DIS3L: variants seen among roughly 807,000 people sequenced by gnomAD.
The protein encoded by DIS3L is DIS3-like exonuclease 1.
DIS3L carries 100 observed loss-of-function variants against 120.3 expected under a neutral mutation model. That is an observed-to-expected ratio of 0.83 (90% CI 0.71 to 0.98). The LOEUF (loss-of-function observed/expected upper bound fraction) is 0.98, where lower values mean the gene tolerates loss of function less well. Ranked by LOEUF, DIS3L falls within the 50% of genes least tolerant of loss-of-function variation. The pLI is 0.00. For missense variants in DIS3L, 1,196 were observed against 1,314.2 expected, an observed-to-expected ratio of 0.91 and a Z score of 1.39; for synonymous variants, 426 against 470.6, an observed-to-expected ratio of 0.91 and a Z score of 1.23.
In DIS3L at chr15:66,329,390, C is replaced by G; in HGVS notation, c.2526C>G (p.Asn842Lys). The stretch of plus-strand genomic sequence containing the variant: ...AGGAATTATGCAGACATATCAACAA[C>G]AGAAACCAAGTAAGAGGGAATTTCA... ...DLEELCRHINNRNQAAQHSQK... is the reference protein window; with the variant it reads ...DLEELCRHINKRNQAAQHSQK... Residue 842 changes from asparagine to lysine, a missense_variant, in exon 14 of 17, where the codon AAC becomes AAG. Asn to Lys is a moderately conservative substitution (Grantham distance 94, BLOSUM62 0). Transcript: ENST00000319212. The G allele has an allele frequency of 6.3e-7, 1 of 1,599,954 alleles. No homozygotes were observed. Among genetic ancestry groups the G allele is most frequent in the East Asian group, 2.2e-5 (1 of 44,762 alleles).
chr15:66,319,886 A>C (rs1259986054), intron 8 of DIS3L, among the ~76,000 whole-genome samples: 1 of 151,114 alleles, frequency 6.6e-6, no homozygotes, highest in Non-Finnish European at 1.5e-5. Flanking sequence ...AGGCCGAGGC[A>C]GGTGGATCAC....
intron 14 of DIS3L, among the ~76,000 whole-genome samples, chr15:66,330,912 T>TTCGAGG (rs1192041463): frequency 6.6e-6 from 1 of 152,204 alleles, no homozygotes; most frequent in Non-Finnish European, 1.5e-5. Flanking sequence ...CCTAGCACTT[T>TTCGAGG]TCGAGGTCGA....
chr15:66,294,946 G>A (rs1204175077), intron 1 of DIS3L, 42 bp from the exon 2 acceptor site: 5 of 1,545,056 alleles, frequency 3.2e-6, no homozygotes, highest in Middle Eastern at 1.7e-4. Flanking sequence ...AACCAGGTTT[G>A]AAAACATTGT....
rs756381525 is a variant in DIS3L at position 66,306,915 on chromosome 15, C to T, written c.385C>T (p.Arg129Trp). ...ATTCCAGCAATGCTGCTATCTGCCA[C>T]GGGAAAGAGGAGAGTCCATGGAGAA... Reference protein sequence around the residue: ...NEFQQCCYLPRERGESMEKWQ... With the variant: ...NEFQQCCYLPWERGESMEKWQ... The change falls in exon 3 of 17, where the codon CGG becomes TGG. Residue 129 changes from arginine (R) to tryptophan (W), a missense_variant. Coordinates refer to ENST00000319212, the MANE Select transcript of DIS3L (RefSeq NM_001143688.3). 1.1e-5 allele frequency: 18 copies of T among 1,613,870 alleles called. No homozygotes were observed. The highest frequency in any genetic ancestry group is 6.7e-5 in the East Asian group (3 of 44,888).
Position 66,293,590 on chromosome 15 carries a change from C to G in DIS3L, c.-7C>G. 2 of 1,428,188 alleles carry G rather than the reference C, an allele frequency of 1.4e-6. No homozygotes were observed. The highest frequency in any genetic ancestry group is 1.8e-6 in the Non-Finnish European group (2 of 1,090,760). The allele number at this position is 1,428,188 out of a possible 1,614,324, so 88.5% of individuals were successfully genotyped here. On this transcript the variant is annotated 5_prime_UTR_variant, in exon 1 of 17. Transcript: ENST00000319212. ...GCCACTCCGCGGCCGCCGGGAGACA[C>G]GCCGCCATGCTGCAGAAGCGGGAGA...
chr15:66,324,131 G>A (rs1325642557), intron 11 of DIS3L, among the ~76,000 whole-genome samples: 1 of 152,088 alleles, frequency 6.6e-6, no homozygotes, highest in East Asian at 1.9e-4. Context: ...ATATGCATAT[G>A]TGATCTTTTT....
intron 3 of DIS3L, 22 bp from the exon 4 acceptor site, chr15:66,308,687 C>T (rs752149808): frequency 6.2e-7 from 1 of 1,602,836 alleles, no homozygotes; most frequent in South Asian, 1.1e-5. Context: ...GGGGAGAGCT[C>T]ATGTGCCCTT....
intron 9 of DIS3L, 33 bp downstream of exon 9, chr15:66,320,765 C>T (rs2092875379): frequency 6.3e-7 from 1 of 1,588,226 alleles, no homozygotes; most frequent in Admixed American, 1.8e-5. Context: ...GATCTAGTGA[C>T]ATTTTCTTTT....
intron 6 of DIS3L, among the ~76,000 whole-genome samples, chr15:66,314,594 G>A (rs1203566477): frequency 3.9e-5 from 6 of 152,204 alleles, no homozygotes; most frequent in Admixed American, 2.6e-4. Context: ...TGGGTGGAGA[G>A]AGAATGAGAA....
intron 4 of DIS3L, among the ~76,000 whole-genome samples, chr15:66,311,493 G>C (rs529624651): frequency 9.2e-5 from 14 of 152,162 alleles, no homozygotes; most frequent in Non-Finnish European, 1.9e-4. Context: ...AGTAGCCTAG[G>C]AGGTGGAAGT....
At chr15:66,295,203 C>T (rs1220483491) in intron 2 of DIS3L, 62 bp downstream of exon 2, 2 of 1,502,054 alleles carry the variant, frequency 1.3e-6, no homozygotes, top group East Asian at 4.6e-5. Flanking sequence ...AGAAAAGGTC[C>T]CTTGTCGGAG....
chr15:66,331,112 G>A (rs11852473), intron 14 of DIS3L, among the ~76,000 whole-genome samples: 8,677 of 151,656 alleles, frequency 0.057, 352 homozygotes, highest in Middle Eastern at 0.11. Flanking sequence ...CCAAGATCGC[G>A]CCATTGCACT....
chr15:66,329,675 T>C, intron 14 of DIS3L: 1 of 1,085,644 alleles, frequency 9.2e-7, no homozygotes, highest in Non-Finnish European at 1.1e-6. Context: ...ACGTGGTGGC[T>C]CACTTGAGGG....
At position 66,326,055 on chromosome 15, in the gene DIS3L, A is replaced by G; in HGVS notation, c.1892A>G (p.Lys631Arg). The G allele has an allele frequency of 6.2e-7, 1 of 1,614,080 alleles. No homozygotes were observed. Residue 631 changes from lysine (K) to arginine (R), a missense_variant, in exon 12 of 17, where the codon AAG (lysine) becomes AGG (arginine). Coordinates refer to ENST00000319212, the MANE Select transcript of DIS3L (RefSeq NM_001143688.3). ...KLEELVWAIG[K>R]LTDIARHVRA... The stretch of plus-strand genomic sequence containing the variant: ...GAGGAGTTGGTGTGGGCAATTGGAA[A>G]GCTGACCGACATAGCTCGCCATGTC...
chr15:66,325,832 T>A lies in DIS3L; in HGVS notation c.1669T>A (p.Tyr557Asn), dbSNP rs28657481. Residue 557 changes from tyrosine to asparagine, a missense_variant and splice_region_variant, in exon 12 of 17, where the codon TAT (tyrosine) becomes AAT (asparagine). By Grantham distance (143) the Tyr-to-Asn change is moderately radical. Coordinates refer to ENST00000319212, the MANE Select transcript of DIS3L (RefSeq NM_001143688.3). Reference sequence around the variant, plus strand: ...TTGTCAATGTTACTGTTTTTGTAGGTATGCTGTAAGCATCATGTGGGAACT... The same window carrying A: ...TTGTCAATGTTACTGTTTTTGTAGGAATGCTGTAAGCATCATGTGGGAACT... ...LCSLLGGVDR[Y>N]AVSIMWELDK... 1.3e-6 allele frequency: 2 copies of A among 1,589,358 alleles called. No individual in the cohort carries two copies. Among genetic ancestry groups the A allele is most frequent in the Non-Finnish European group, 1.7e-6 (2 of 1,163,372 alleles).
intron 13 of DIS3L, 35 bp downstream of exon 13, chr15:66,329,159 C>T: frequency 6.3e-7 from 1 of 1,593,172 alleles, no homozygotes; most frequent in Non-Finnish European, 8.5e-7. Flanking sequence ...GTGGCTGTAA[C>T]TTTGCGCTAG....
Position 66,318,502 on chromosome 15 carries a change from C to T in DIS3L, c.1048C>T (p.Pro350Ser). 1 of 1,614,004 alleles carries T rather than the reference C, an allele frequency of 6.2e-7. No individual in the cohort carries two copies. The highest frequency in any genetic ancestry group is 8.5e-7 in the Non-Finnish European group (1 of 1,180,016). Residue 350 changes from proline to serine, a missense_variant, in exon 8 of 17, where the codon CCG becomes TCG. By Grantham distance (74) the Pro-to-Ser change is moderately conservative. Transcript: ENST00000319212. ...KNWRDYVVTF[P>S]SKEEVQSQGK... is the part of the protein sequence containing the mutation. ...CTGGCGGGATTATGTGGTGACATTT[C>T]CGTCCAAAGAAGAGGTCCAATCTCA...
intron 8 of DIS3L, among the ~76,000 whole-genome samples, chr15:66,319,095 T>C (rs887640896): frequency 8.6e-5 from 13 of 152,040 alleles, no homozygotes; most frequent in Non-Finnish European, 4.4e-5. Context: ...CAGCCGTGTT[T>C]TTATGTTTTT....
At position 66,294,107 on chromosome 15, in the gene DIS3L, G is replaced by T. The variant is rs553170867; in HGVS notation, c.139+372G>T. ...GAGAAATGGGGAGGTCCCGAGCTGG[G>T]AGCCCCCGGGAGCTACAGGCCAGCT... On this transcript the variant is annotated intron_variant, in intron 1 of 16. Coordinates refer to ENST00000319212, the MANE Select transcript of DIS3L (RefSeq NM_001143688.3). 229 of 985,718 alleles carry T rather than the reference G, an allele frequency of 2.3e-4. 1 individual carries two copies. The African/African-American group carries it at 3.6e-3, about 15-fold the overall frequency. 61.1% of individuals were successfully genotyped at this position (985,718 alleles called of 1,614,324 possible). A position where few individuals can be genotyped will look rare whatever the true frequency, so the allele number is the denominator to read the frequency against.
Sources: allele counts gnomAD v4.1 joint callset (sites outside exome capture counted in the v4.1 genomes callset), GRCh38; gene constraint gnomAD v4.1.1; transcripts MANE v1.5; gene names NCBI Gene and HGNC (gene_info 2026-07-23, HGNC 2026-07-21).